Variants in CEP41 observed in about 807,000 individuals in gnomAD.
CEP41 encodes the protein centrosomal protein 41.
A neutral mutation model predicts 44.3 loss-of-function variants in CEP41; 32 were observed. The ratio of observed to expected loss-of-function variants is 0.72; its 90% confidence interval spans 0.54 to 0.97. CEP41 has a LOEUF of 0.97. CEP41 is among the 50% of genes least tolerant of loss of function. The pLI, the probability that CEP41 is intolerant of heterozygous loss-of-function variation, is 0.00. For synonymous variants in CEP41, 151 were observed against 168.5 expected (o/e 0.90, Z 0.80); for missense variants, 432 against 455.2 (o/e 0.95, Z 0.46).
At chr7:130,416,050 T>C (rs116897412) in intron 3 of CEP41, among the ~76,000 whole-genome samples, 587 of 152,268 alleles carry the variant, frequency 3.9e-3, no homozygotes, top group Non-Finnish European at 6.6e-3. Context: ...AAATGGAACT[T>C]TGATTTCAAA....
Position 130,394,907 on chromosome 7 carries a change from C to T in CEP41, c.*3984G>A, listed in dbSNP as rs1554413879. On this transcript the variant is annotated 3_prime_UTR_variant, in exon 11 of 11. Coordinates refer to ENST00000223208, the MANE Select transcript of CEP41 (RefSeq NM_018718.3). ...CCGTCCACAGCATTTGAGAAGTGGC[C>T]TCTCTTTGCCTCACATTTTACCAGG... 2 of 453,988 alleles carry T rather than the reference C, an allele frequency of 4.4e-6. No homozygotes were observed. Among genetic ancestry groups the T allele is most frequent in the East Asian group, 1.4e-4 (2 of 14,410 alleles). 28.1% of individuals were successfully genotyped at this position (453,988 alleles called of 1,614,324 possible). A position where few individuals can be genotyped will look rare whatever the true frequency, so the allele number is the denominator to read the frequency against.
At chr7:130,419,520 T>C (rs1344948160) in intron 2 of CEP41, 11 of 984,678 alleles carry the variant, frequency 1.1e-5, no homozygotes, top group African/African-American at 3.5e-5. Flanking sequence ...CACTTATTTA[T>C]AAACATGGCT....
upstream of CEP41, chr7:130,441,108 G>A (rs782317119): frequency 7.3e-5 from 68 of 934,398 alleles, no homozygotes; most frequent in Admixed American, 3.3e-4. Context: ...GCCAATGGGG[G>A]CCCCGTTTAC....
chr7:130,414,953 G>A (rs1797289351), intron 3 of CEP41, among the ~76,000 whole-genome samples: 1 of 152,160 alleles, frequency 6.6e-6, no homozygotes, highest in African/African-American at 2.4e-5. Context: ...TTCTAAGTCT[G>A]TCTCTCTCGA....
rs1446611185 is a variant in CEP41, at chr7:130,395,540, T to G, written c.*3351A>C. On this transcript the variant is annotated 3_prime_UTR_variant, in exon 11 of 11. Coordinates refer to ENST00000223208, the MANE Select transcript of CEP41 (RefSeq NM_018718.3). ...ATCCAGGTGGACAGAAACTAATTAT[T>G]CGCTCTAAAAAAGTCAGATAACATA... 2.2e-6 allele frequency: 1 copy of G among 453,956 alleles called. No individual in the cohort carries two copies. The highest frequency in any genetic ancestry group is 4.4e-6 in the Non-Finnish European group (1 of 226,790). 28.1% of individuals were successfully genotyped at this position (453,956 alleles called of 1,614,324 possible).
chr7:130,409,900 T>G (rs1300311334), intron 5 of CEP41, among the ~76,000 whole-genome samples: 3 of 152,156 alleles, frequency 2.0e-5, no homozygotes, highest in African/African-American at 7.2e-5. Context: ...CCTGGTGTGC[T>G]GTCCTCTCCA....
In CEP41 at chr7:130,395,325, T is replaced by C. The variant is rs781945178; in HGVS notation, c.*3566A>G. 1.1e-5 allele frequency: 5 copies of C among 453,974 alleles called. No individual in the cohort carries two copies. Among genetic ancestry groups the C allele is most frequent in the South Asian group, 7.8e-5 (5 of 64,466 alleles). 28.1% of individuals were successfully genotyped at this position (453,974 alleles called of 1,614,324 possible). ...ACTCAACATGCTCACATAATTAAAC[T>C]GGTGAATTATATTCCACACATTTGC... On this transcript the variant is annotated 3_prime_UTR_variant, in exon 11 of 11. Transcript: ENST00000223208.
chr7:130,398,756 C>G lies in CEP41; in HGVS notation c.*135G>C, dbSNP rs1458916487. 1 of 1,052,090 alleles carries G rather than the reference C, an allele frequency of 9.5e-7. No individual in the cohort carries two copies. Among genetic ancestry groups the G allele is most frequent in the East Asian group, 2.4e-5 (1 of 42,324 alleles). The allele number at this position is 1,052,090 out of a possible 1,614,324, so 65.2% of individuals were successfully genotyped here. A position where few individuals can be genotyped will look rare whatever the true frequency, so the allele number is the denominator to read the frequency against. ...AGGGGAGAGGAACTGGAGACAGGGA[C>G]AGGGAAGAGGCCTATCCCATACATA... On this transcript the variant is annotated 3_prime_UTR_variant, in exon 11 of 11. Transcript: ENST00000223208.
chr7:130,397,587 G>A lies in CEP41; in HGVS notation c.*1304C>T. ...AAATCTTACCCCGTAGCAGTTACCA[G>A]CAGGACAGGCAATTTTCAGTGGGCT... On this transcript the variant is annotated 3_prime_UTR_variant, in exon 11 of 11. Coordinates refer to ENST00000223208, the MANE Select transcript of CEP41 (RefSeq NM_018718.3). The A allele has an allele frequency of 2.3e-6, 1 of 435,712 alleles. No individual in the cohort carries two copies. Among genetic ancestry groups the A allele is most frequent in the South Asian group, 1.6e-5 (1 of 63,804 alleles). The allele number at this position is 435,712 out of a possible 1,614,324, so 27.0% of individuals were successfully genotyped here.
intron 1 of CEP41, among the ~76,000 whole-genome samples, chr7:130,432,751 C>T (rs1797860336): frequency 6.6e-6 from 1 of 151,898 alleles, no homozygotes; most frequent in South Asian, 2.1e-4. Context: ...CAGAGTGACA[C>T]TCTCACTAAA....
chr7:130,424,656 G>A lies in CEP41; in HGVS notation c.97+3299C>T, dbSNP rs573520041. Among the ~76,000 whole-genome samples, 12 of 152,022 alleles carry A rather than the reference G, an allele frequency of 7.9e-5. No homozygotes were observed. The South Asian group carries it at 1.2e-3, about 16-fold the overall frequency. On this transcript the variant is annotated intron_variant, in intron 2 of 10. Coordinates refer to ENST00000223208, the MANE Select transcript of CEP41 (RefSeq NM_018718.3). ...ATGGCACCAGACCAATTGAATATCC[G>A]TAAGCAAAAACTTAGTCTTGATGTG...
intron 9 of CEP41, 199 bp downstream of exon 9, chr7:130,400,508 T>C (rs781939072): frequency 1.6e-6 from 1 of 640,678 alleles, no homozygotes; most frequent in Non-Finnish European, 2.8e-6. Context: ...GACAGAGCCC[T>C]GAAGCAACAT....
Position 130,412,232 on chromosome 7 carries a change from A to T in CEP41, c.154T>A (p.Tyr52Asn), listed in dbSNP as rs1554419929. The T allele has an allele frequency of 6.7e-7, 1 of 1,496,310 alleles. No homozygotes were observed. The highest frequency in any genetic ancestry group is 1.1e-5 in the South Asian group (1 of 88,350). The allele number at this position is 1,496,310 out of a possible 1,614,324, so 92.7% of individuals were successfully genotyped here. The part of the protein sequence containing the change: ...KLEEIKKNYR[Y>N]KKDELFKRLK... Reference sequence around the variant, plus strand: ...CTCTTGAAAAGCTCATCTTTTTTGTATCTATAATCTGAAAAATATGGTAAG... The same window carrying T: ...CTCTTGAAAAGCTCATCTTTTTTGTTTCTATAATCTGAAAAATATGGTAAG... Residue 52 changes from tyrosine to asparagine, a missense_variant, in exon 4 of 11, where the codon TAC (tyrosine) becomes AAC (asparagine). Physicochemically the swap from Tyr to Asn is moderately radical, Grantham distance 143. Transcript: ENST00000223208.
intron 3 of CEP41, among the ~76,000 whole-genome samples, chr7:130,415,076 G>A (rs1252473080): frequency 6.6e-6 from 1 of 152,210 alleles, no homozygotes; most frequent in Non-Finnish European, 1.5e-5. Flanking sequence ...AATAGACATA[G>A]AGTGTCTATT....
At chr7:130,404,777 G>A (rs1213961516) in intron 5 of CEP41, 69 bp from the exon 6 acceptor site, 7 of 1,186,734 alleles carry the variant, frequency 5.9e-6, no homozygotes, top group Non-Finnish European at 8.8e-6. Flanking sequence ...TAGTTCCACT[G>A]ACATTAAGTC....
chr7:130,428,966 A>C (rs1261010479), intron 1 of CEP41, among the ~76,000 whole-genome samples: 1 of 152,168 alleles, frequency 6.6e-6, no homozygotes, highest in Non-Finnish European at 1.5e-5. Flanking sequence ...CATTGAGCCC[A>C]AATCAGTCTT....
In CEP41 at chr7:130,401,882, T is replaced by C; in HGVS notation, c.641A>G (p.Tyr214Cys). ...MNPYSNDILE[Y>C]KNAHGKIIIL... The stretch of plus-strand genomic sequence containing the variant: ...TCCTTAAAATGCAACAAAGGATACA[T>C]ATTCAAGAATATCATTTGAATAAGG... Residue 214 changes from tyrosine (Y) to cysteine (C), a missense_variant and splice_region_variant, in exon 8 of 11, where the codon TAT (tyrosine) becomes TGT (cysteine). Tyr to Cys is a radical substitution (Grantham distance 194, BLOSUM62 -2). Coordinates refer to ENST00000223208, the MANE Select transcript of CEP41 (RefSeq NM_018718.3). The C allele has an allele frequency of 1.3e-6, 2 of 1,587,862 alleles. No homozygotes were observed. The highest frequency in any genetic ancestry group is 1.7e-6 in the Non-Finnish European group (2 of 1,156,176).
Position 130,429,624 on chromosome 7 carries a change from T to C in CEP41, c.34-1606A>G, listed in dbSNP as rs112356759. On this transcript the variant is annotated intron_variant, in intron 1 of 10. Transcript: ENST00000223208. ...GTTCCCATGTTGAAGTTGCTGGGAA[T>C]GTCTCCTTAATGCAGCACACTCATT... Among the ~76,000 whole-genome samples the C allele has an allele frequency of 8.1e-3, 1,232 of 152,356 alleles. 19 individuals carry two copies. The highest frequency in any genetic ancestry group is 0.028 in the African/African-American group (1,166 of 41,584).
intron 1 of CEP41, 74 bp downstream of exon 1, chr7:130,440,860 C>T: frequency 2.1e-6 from 3 of 1,430,472 alleles, no homozygotes; most frequent in South Asian, 1.1e-5. Flanking sequence ...TCGCTGGCTG[C>T]TCTTCCCTGC....
Sources: gnomAD v4.1 joint callset for allele counts (sites outside exome capture counted in the v4.1 genomes callset) on GRCh38, gnomAD v4.1.1 for gene constraint, MANE v1.5 for transcripts, NCBI Gene and HGNC (gene_info 2026-07-23, HGNC 2026-07-21) for gene names.